The following SND1 variants were observed in gnomAD, a reference collection of about 807,000 sequenced individuals.
The protein encoded by SND1 is staphylococcal nuclease domain-containing protein 1.
In SND1, 38 loss-of-function variants were observed where a neutral mutation model predicts 121.7. The observed-to-expected ratio is 0.31, with a 90% confidence interval of 0.24 to 0.41. The LOEUF (loss-of-function observed/expected upper bound fraction) is 0.41. Among genes scored for constraint, SND1 ranks in the 10% least tolerant of loss-of-function variants. SND1 has a pLI of 1.00. For synonymous variants in SND1, 401 were observed against 447.4 expected (o/e 0.90, Z 1.31); for missense variants, 868 against 1,184.6 (o/e 0.73, Z 3.92).
intron 15 of SND1, among the ~76,000 whole-genome samples, 198 bp from the exon 16 acceptor site, chr7:127,990,749 T>C (rs991140769): frequency 6.6e-6 from 1 of 152,194 alleles, no homozygotes; most frequent in Admixed American, 6.5e-5. Context: ...GCTGCTGTGA[T>C]AGTGTTGGTT....
chr7:127,859,027 T>G (rs1440721025), intron 12 of SND1, among the ~76,000 whole-genome samples: 1 of 152,208 alleles, frequency 6.6e-6, no homozygotes, highest in Admixed American at 6.5e-5. Flanking sequence ...TGGACCTTTC[T>G]AGACCTCATT....
intron 11 of SND1, among the ~76,000 whole-genome samples, chr7:127,817,210 A>G (rs1241209756): frequency 6.6e-6 from 1 of 152,220 alleles, no homozygotes. Context: ...ATAACTGGTA[A>G]GACAACAGAA....
intron 10 of SND1, among the ~76,000 whole-genome samples, chr7:127,778,863 A>C (rs1008289563): frequency 1.3e-5 from 2 of 152,144 alleles, no homozygotes; most frequent in African/African-American, 4.8e-5. Flanking sequence ...CTTTTCATTT[A>C]CTGCCCATCC....
At chr7:128,036,521 C>A (rs1163460413) in intron 16 of SND1, among the ~76,000 whole-genome samples, 1 of 152,102 alleles carries the variant, frequency 6.6e-6, no homozygotes, top group Non-Finnish European at 1.5e-5. Flanking sequence ...AGGGAGTGGA[C>A]AATAAAGGAT....
chr7:128,022,354 G>A (rs1338251129), intron 16 of SND1, among the ~76,000 whole-genome samples: 2 of 152,102 alleles, frequency 1.3e-5, no homozygotes, highest in Non-Finnish European at 2.9e-5. Context: ...AAACCTGAAA[G>A]CCTAAGTACT....
chr7:127,811,381 A>T (rs1798332291), intron 11 of SND1, among the ~76,000 whole-genome samples: 1 of 152,194 alleles, frequency 6.6e-6, no homozygotes, highest in African/African-American at 2.4e-5. Flanking sequence ...CCAGACTTAT[A>T]AATCCAGAAT....
chr7:127,922,175 C>CTTTTTTTTTTTTTTTTTCTTTTTTTT (rs1800722290), intron 14 of SND1, among the ~76,000 whole-genome samples: 1 of 57,176 alleles, frequency 1.7e-5, no homozygotes, highest in Non-Finnish European at 3.0e-5. Context: ...TTTTTCTTTC[C>CTTTTTTTTTTTTTTTTTCTTTTTTTT]TTTTTTTTTT....
At chr7:127,696,277 C>G (rs1399258479) in intron 3 of SND1, among the ~76,000 whole-genome samples, 1 of 152,032 alleles carries the variant, frequency 6.6e-6, no homozygotes, top group Non-Finnish European at 1.5e-5. Context: ...TGAGAATGAC[C>G]TTTGAGGCAT....
intron 16 of SND1, among the ~76,000 whole-genome samples, chr7:128,036,795 G>GA (rs1792759096): frequency 6.6e-6 from 1 of 152,220 alleles, no homozygotes; most frequent in African/African-American, 2.4e-5. Context: ...TGTTCAAATT[G>GA]AAAAGAGAGG....
chr7:128,028,373 T>C, intron 16 of SND1: 1 of 269,536 alleles, frequency 3.7e-6, no homozygotes, highest in Non-Finnish European at 7.0e-6. Context: ...TTTAGTTTAT[T>C]TTATCTCAGC....
intron 10 of SND1, among the ~76,000 whole-genome samples, chr7:127,758,750 G>A (rs1797243757): frequency 6.6e-6 from 1 of 152,118 alleles, no homozygotes; most frequent in Admixed American, 6.5e-5. Flanking sequence ...AGATACATTT[G>A]TGTCAGATTT....
chr7:127,684,422 A>G (rs1394852863), intron 1 of SND1, among the ~76,000 whole-genome samples: 1 of 152,208 alleles, frequency 6.6e-6, no homozygotes, highest in East Asian at 1.9e-4. Flanking sequence ...TGCTTGAATG[A>G]TTTCAAGTGC....
chr7:128,026,897 G>A (rs139227318), intron 16 of SND1, among the ~76,000 whole-genome samples: 3 of 152,088 alleles, frequency 2.0e-5, no homozygotes, highest in Admixed American at 6.5e-5. Flanking sequence ...TTTAAGCTAA[G>A]GAAAGGTTGA....
chr7:128,010,066 T>C (rs990066863), intron 16 of SND1, among the ~76,000 whole-genome samples: 5 of 152,164 alleles, frequency 3.3e-5, no homozygotes, highest in Non-Finnish European at 7.4e-5. Flanking sequence ...AGTTGCTGAG[T>C]CTGACCCTTG....
chr7:127,772,363 C>T (rs1797528129), intron 10 of SND1, among the ~76,000 whole-genome samples: 2 of 152,200 alleles, frequency 1.3e-5, no homozygotes, highest in African/African-American at 2.4e-5. Context: ...TCACAAAACC[C>T]TTACTGTAAA....
At chr7:127,698,506 T>G (rs1435077629) in intron 3 of SND1, among the ~76,000 whole-genome samples, 2 of 152,190 alleles carry the variant, frequency 1.3e-5, no homozygotes, top group Non-Finnish European at 2.9e-5. Context: ...GCAGCTGGAT[T>G]TGTGTTCAGC....
chr7:127,797,025 T>C (rs1408113203), intron 10 of SND1, among the ~76,000 whole-genome samples: 1 of 151,622 alleles, frequency 6.6e-6, no homozygotes, highest in Admixed American at 6.6e-5. Context: ...CCCGAGTAGC[T>C]GGGATTACAG....
intron 16 of SND1, among the ~76,000 whole-genome samples, chr7:128,005,369 G>C (rs1363817307): frequency 6.6e-6 from 1 of 152,182 alleles, no homozygotes; most frequent in Admixed American, 6.5e-5. Flanking sequence ...ACTGCCTCCA[G>C]GGAAATACAT....
At chr7:128,053,195 C>T (rs1288827942) in intron 16 of SND1, among the ~76,000 whole-genome samples, 1 of 152,230 alleles carries the variant, frequency 6.6e-6, no homozygotes, top group African/African-American at 2.4e-5. Flanking sequence ...CCATTTAGGA[C>T]TGCAGGAAGC....
Sources: gnomAD v4.1 joint callset for allele counts (sites outside exome capture counted in the v4.1 genomes callset) on GRCh38, gnomAD v4.1.1 for gene constraint, MANE v1.5 for transcripts, NCBI Gene and HGNC (gene_info 2026-07-23, HGNC 2026-07-21) for gene names.